CASTOR2: variants seen among roughly 807,000 people sequenced by gnomAD.
CASTOR2 encodes the protein cytosolic arginine sensor for mTORC1 subunit 2.
CASTOR2 carries 8 observed loss-of-function variants against 31.2 expected under a neutral mutation model. That is an observed-to-expected ratio of 0.26 (90% CI 0.15 to 0.46). The LOEUF (loss-of-function observed/expected upper bound fraction) is 0.46, where lower values mean the gene tolerates loss of function less well. Among genes scored for constraint, CASTOR2 ranks in the 20% least tolerant of loss-of-function variants. The probability of loss-of-function intolerance (pLI) is 0.99; values close to 1 mark genes in which losing one functional copy is unlikely to be tolerated. For missense variants in CASTOR2, 216 were observed against 382.1 expected (o/e 0.57, Z 3.62); for synonymous variants, 162 against 158.7 (o/e 1.02, Z -0.16).
chr7:74,995,012 G>A (rs1489312576), intron 1 of CASTOR2, among the ~76,000 whole-genome samples: 2 of 152,136 alleles, frequency 1.3e-5, no homozygotes. Context: ...TTCCAGGGAG[G>A]CCTTGGCCAG....
rs1251809086 is a variant in CASTOR2 at position 75,022,061 on chromosome 7, G to A, written c.829+105G>A. 8.1e-6 allele frequency: 11 copies of A among 1,365,570 alleles called. No homozygotes were observed. In the South Asian group the frequency reaches 1.4e-4, roughly 17 times the overall value. The allele number at this position is 1,365,570 out of a possible 1,614,324, so 84.6% of individuals were successfully genotyped here. ...TCGGCCCCTGCTGGGGGGTACAGAT[G>A]GGGAGACTGAGGCTTGGGGAGCCTG... On this transcript the variant is annotated intron_variant, in intron 7 of 8. Transcript: ENST00000616305.
chr7:74,993,813 A>C (rs1418343205), intron 1 of CASTOR2, among the ~76,000 whole-genome samples: 8 of 152,012 alleles, frequency 5.3e-5, no homozygotes, highest in East Asian at 1.9e-4. Context: ...AAAAAAAAAA[A>C]AAAACACTTG....
chr7:75,003,566 C>G (rs1207718821), intron 1 of CASTOR2, among the ~76,000 whole-genome samples: 2 of 151,924 alleles, frequency 1.3e-5, no homozygotes, highest in African/African-American at 4.8e-5. Context: ...CTGGCTAACA[C>G]GATGAAACCC....
intron 4 of CASTOR2, 61 bp from the exon 5 acceptor site, chr7:75,018,911 C>G: frequency 6.4e-7 from 1 of 1,551,552 alleles, no homozygotes; most frequent in East Asian, 2.4e-5. Context: ...AGGCCCTGCA[C>G]CCACCAGAGC....
chr7:75,007,718 C>G (rs1233237162), intron 1 of CASTOR2, among the ~76,000 whole-genome samples: 4 of 152,106 alleles, frequency 2.6e-5, no homozygotes, highest in Non-Finnish European at 5.9e-5. Flanking sequence ...CTTGGGCCCT[C>G]AGGCCTGGAC....
intron 1 of CASTOR2, among the ~76,000 whole-genome samples, chr7:75,004,008 G>A (rs1166863915): frequency 2.6e-5 from 4 of 152,144 alleles, no homozygotes; most frequent in Admixed American, 6.6e-5. Flanking sequence ...TATGCCCTCC[G>A]GAATAATTTG....
chr7:74,994,776 G>A (rs1447719352), intron 1 of CASTOR2, among the ~76,000 whole-genome samples: 1 of 152,008 alleles, frequency 6.6e-6, no homozygotes, highest in Non-Finnish European at 1.5e-5. Context: ...ATCAACCAAG[G>A]TGGTTGAAGC....
At chr7:75,005,339 C>A (rs1804584094) in intron 1 of CASTOR2, among the ~76,000 whole-genome samples, 3 of 152,170 alleles carry the variant, frequency 2.0e-5, no homozygotes, top group Non-Finnish European at 4.4e-5. Context: ...TAGAAACATA[C>A]AGTATAGAAT....
rs1373921885 is a variant in CASTOR2, at chr7:74,975,923, C to G, written c.113+10825C>G. ...ACACCCAAGCAGCCCCATGGAGAGG[C>G]CCATATGGAGAGGAACTGAGGCATC... On this transcript the variant is annotated intron_variant, in intron 1 of 8. Coordinates refer to ENST00000616305, the MANE Select transcript of CASTOR2 (RefSeq NM_001145064.3). Among the ~76,000 whole-genome samples, 27 of 148,256 alleles carry G rather than the reference C, an allele frequency of 1.8e-4. 1 individual carries two copies. The highest frequency in any genetic ancestry group is 1.3e-3 in the Admixed American group (19 of 14,604).
In CASTOR2 at chr7:75,029,179, ACCTCCCACTGGCCC is replaced by A. The variant is rs1805227523; in HGVS notation, c.*4486_*4499del. ...TGATCTTCAAAGGTGAACACAGGCC[ACCTCCCACTGGCCC>A]CCTCCTCCTGGCCACATTTTCCAGG... is the stretch of plus-strand genomic sequence containing the variant. On this transcript the variant is annotated 3_prime_UTR_variant, in exon 9 of 9. Transcript: ENST00000616305. Among the ~76,000 whole-genome samples the A allele has an allele frequency of 6.6e-6, 1 of 151,840 alleles. No homozygotes were observed. Among genetic ancestry groups the A allele is most frequent in the Non-Finnish European group, 1.5e-5 (1 of 67,956 alleles).
chr7:75,014,852 GC>G (rs1804831704), intron 2 of CASTOR2, among the ~76,000 whole-genome samples: 1 of 152,194 alleles, frequency 6.6e-6, no homozygotes, highest in African/African-American at 2.4e-5. Context: ...GGTTATGTCA[GC>G]ACCCCCTCAA....
In CASTOR2 at chr7:74,989,299, C is replaced by T. The variant is rs587694631; in HGVS notation, c.114-18695C>T. On this transcript the variant is annotated intron_variant, in intron 1 of 8. Coordinates refer to ENST00000616305, the MANE Select transcript of CASTOR2 (RefSeq NM_001145064.3). ...TTTTGAGACAGGATCTTGCTTTGCC[C>T]AGGCTGGAATGCAGTAGTGCAGTTA... Among the ~76,000 whole-genome samples the T allele has an allele frequency of 6.6e-5, 10 of 151,440 alleles. No individual in the cohort carries two copies. The East Asian group carries it at 1.9e-3, about 29-fold the overall frequency.
intron 1 of CASTOR2, among the ~76,000 whole-genome samples, chr7:74,994,633 C>T (rs1444784894): frequency 1.3e-5 from 2 of 152,138 alleles, no homozygotes; most frequent in Admixed American, 6.5e-5. Context: ...GCCTGTAATC[C>T]CAGCTACTTG....
At chr7:75,023,286 C>A (rs1343257930) in intron 7 of CASTOR2, among the ~76,000 whole-genome samples, 1 of 151,390 alleles carries the variant, frequency 6.6e-6, no homozygotes, top group Admixed American at 6.6e-5. Flanking sequence ...CCAGCCTGGG[C>A]GACAGAGCGA....
In CASTOR2 at chr7:74,979,512, C is replaced by G. The variant is rs1217833123; in HGVS notation, c.113+14414C>G. On this transcript the variant is annotated intron_variant, in intron 1 of 8. Coordinates refer to ENST00000616305, the MANE Select transcript of CASTOR2 (RefSeq NM_001145064.3). Reference sequence around the variant, plus strand: ...GTTCAAGTGATCCTCCTGCCTCAGCCTCCCGAGTAGCTGGGACTACAGGCA... The same window carrying G: ...GTTCAAGTGATCCTCCTGCCTCAGCGTCCCGAGTAGCTGGGACTACAGGCA... Among the ~76,000 whole-genome samples, 91 of 81,298 alleles carry G rather than the reference C, an allele frequency of 1.1e-3. 3 individuals are homozygous for G. Among genetic ancestry groups the G allele is most frequent in the African/African-American group, 4.4e-3 (85 of 19,132 alleles). The allele number at this position is 81,298 out of a possible 152,430, so 53.3% of individuals were successfully genotyped here. A position where few individuals can be genotyped will look rare whatever the true frequency, so the allele number is the denominator to read the frequency against.
chr7:75,018,425 G>A (rs1804915389), intron 4 of CASTOR2, among the ~76,000 whole-genome samples: 1 of 152,200 alleles, frequency 6.6e-6, no homozygotes, highest in Admixed American at 6.5e-5. Flanking sequence ...TGTAATTCCA[G>A]CTACTGAGGA....
At chr7:74,988,007 C>CTT (rs1199869924) in intron 1 of CASTOR2, among the ~76,000 whole-genome samples, 4 of 141,700 alleles carry the variant, frequency 2.8e-5, no homozygotes, top group African/African-American at 1.0e-4. Context: ...TGCGCCTGGC[C>CTT]TTTTTTTTTT....
Position 75,017,320 on chromosome 7 carries a change from G to A in CASTOR2, c.185-278G>A, listed in dbSNP as rs587725641. ...AAATTAGCTGGGCGTGGTGGCATGT[G>A]CCTGTAATCCCAGCTACTCGGGAGG... On this transcript the variant is annotated intron_variant, in intron 2 of 8. Coordinates refer to ENST00000616305, the MANE Select transcript of CASTOR2 (RefSeq NM_001145064.3). Among the ~76,000 whole-genome samples the A allele has an allele frequency of 3.9e-5, 6 of 152,130 alleles. No homozygotes were observed. In the East Asian group the frequency reaches 1.2e-3, roughly 29 times the overall value.
Position 75,024,486 on chromosome 7 carries a change from A to G in CASTOR2, c.876A>G (p.Ala292=), listed in dbSNP as rs1805076416. 1 of 1,551,540 alleles carries G rather than the reference A, an allele frequency of 6.4e-7. No homozygotes were observed. Among genetic ancestry groups the G allele is most frequent in the African/African-American group, 1.4e-5 (1 of 73,164 alleles). ...AGATCTCAGAGCCCTTGGCTGCTGC[A>G]GACATCCCAGCCTACTACATCAGTA... ...VAQISEPLAA[A]DIPAYYISTF... The change falls in exon 8 of 9, where the codon GCA becomes GCG. Residue 292 remains alanine, a synonymous_variant. Coordinates refer to ENST00000616305, the MANE Select transcript of CASTOR2 (RefSeq NM_001145064.3).
Sources: gnomAD v4.1 joint callset for allele counts (sites outside exome capture counted in the v4.1 genomes callset) on GRCh38, gnomAD v4.1.1 for gene constraint, MANE v1.5 for transcripts, NCBI Gene and HGNC (gene_info 2026-07-23, HGNC 2026-07-21) for gene names.